Variants in CEP192 observed in about 807,000 individuals in gnomAD.
The protein encoded by CEP192 is centrosomal protein 192, also known as centrosomal protein of 192 kDa.
Under a neutral mutation model 271.8 loss-of-function variants are expected in CEP192, and 151 were observed. That is an observed-to-expected ratio of 0.56 (90% CI 0.49 to 0.64). The LOEUF (loss-of-function observed/expected upper bound fraction) is 0.64. Among genes scored for constraint, CEP192 ranks in the 30% least tolerant of loss-of-function variants. The pLI is 0.00. For missense variants in CEP192, 2,910 were observed against 3,020.5 expected (o/e 0.96, Z 0.86); for synonymous variants, 995 against 1,076.5 (o/e 0.92, Z 1.48).
chr18:13,046,030 A>G (rs975180073), intron 15 of CEP192, among the ~76,000 whole-genome samples: 1 of 152,178 alleles, frequency 6.6e-6, no homozygotes, highest in East Asian at 1.9e-4. Flanking sequence ...ATCAAGAAAT[A>G]CCTGAGACTG....
chr18:13,089,454 A>C lies in CEP192; in HGVS notation c.5994-2A>C. 4.9e-6 allele frequency: 7 copies of C among 1,432,440 alleles called. No homozygotes were observed. Among genetic ancestry groups the C allele is most frequent in the African/African-American group, 1.4e-5 (1 of 69,816 alleles). The allele number at this position is 1,432,440 out of a possible 1,614,324, so 88.7% of individuals were successfully genotyped here. On this transcript the variant is annotated splice_acceptor_variant, in intron 32 of 44. Transcript: ENST00000506447. LOFTEE classifies it high-confidence loss of function. ...ATAATAAAAAAAAATCTCTCCTGGCAGGGCCCTGTTACATAAACCAGAGAT... is the reference window on the plus strand; with the variant it reads ...ATAATAAAAAAAAATCTCTCCTGGCCGGGCCCTGTTACATAAACCAGAGAT...
chr18:13,072,697 A>G, intron 28 of CEP192, 58 bp from the exon 29 acceptor site: 1 of 1,183,228 alleles, frequency 8.5e-7, no homozygotes, highest in Non-Finnish European at 1.3e-6. Flanking sequence ...CTTTATTCTT[A>G]TAATGGTAGC....
At chr18:13,016,768 T>G (rs1183349564) in intron 6 of CEP192, among the ~76,000 whole-genome samples, 1 of 152,122 alleles carries the variant, frequency 6.6e-6, no homozygotes, top group East Asian at 1.9e-4. Context: ...ACTCCTACAG[T>G]GGCCTTTCTC....
intron 3 of CEP192, among the ~76,000 whole-genome samples, chr18:13,005,341 G>A (rs2033916139): frequency 6.6e-6 from 1 of 152,164 alleles, no homozygotes; most frequent in African/African-American, 2.4e-5. Flanking sequence ...TGTTTGTTGG[G>A]GAGTAGAAGG....
rs181735324 is a variant in CEP192 at position 13,021,331 on chromosome 18, T to G, written c.1050+2125T>G. On this transcript the variant is annotated intron_variant, in intron 9 of 44. Coordinates refer to ENST00000506447, the MANE Select transcript of CEP192 (RefSeq NM_032142.4). ...GTCTAACTAACATCATTCTTTTGCATGTGGATATTAAATTTTCTCAGCACC... is the reference window on the plus strand; with the variant it reads ...GTCTAACTAACATCATTCTTTTGCAGGTGGATATTAAATTTTCTCAGCACC... 4.9e-4 allele frequency among the ~76,000 whole-genome samples: 74 copies of G among 152,366 alleles called. No homozygotes were observed. The East Asian group carries it at 0.011, about 23-fold the overall frequency.
chr18:13,107,519 G>T (rs1568429842), intron 40 of CEP192, among the ~76,000 whole-genome samples: 1 of 152,154 alleles, frequency 6.6e-6, no homozygotes, highest in Non-Finnish European at 1.5e-5. Context: ...GTTTTCATTA[G>T]CTCCAAACTA....
At chr18:13,015,485 C>T (rs1471353089) in intron 6 of CEP192, 37 bp downstream of exon 6, 1 of 1,543,550 alleles carries the variant, frequency 6.5e-7, no homozygotes, top group Admixed American at 2.0e-5. Context: ...TGGTCTTCAC[C>T]TTGCCACTCC....
Position 13,100,357 on chromosome 18 carries a change from C to A in CEP192, c.6716C>A (p.Thr2239Asn). Residue 2239 changes from threonine to asparagine, a missense_variant, in exon 38 of 45, where the codon ACT becomes AAT. By Grantham distance (65) the Thr-to-Asn change is moderately conservative. Transcript: ENST00000506447. ...GATTTAACTCAAGTGGAACTTTTAA[C>A]TCGTTTGACCTCCAAACCATTTGGA... ...REDLTQVELL[T>N]RLTSKPFGIL... The A allele has an allele frequency of 2.5e-6, 4 of 1,614,040 alleles. No individual in the cohort carries two copies. Among genetic ancestry groups the A allele is most frequent in the Non-Finnish European group, 3.4e-6 (4 of 1,179,964 alleles).
intron 11 of CEP192, among the ~76,000 whole-genome samples, chr18:13,033,304 C>T (rs538364725): frequency 2.1e-4 from 32 of 152,138 alleles, no homozygotes; most frequent in Middle Eastern, 6.8e-3. Flanking sequence ...GAAATAAAAA[C>T]GATCGTTAAA....
At chr18:13,043,557 A>AT (rs2036320527) in intron 15 of CEP192, among the ~76,000 whole-genome samples, 1 of 152,018 alleles carries the variant, frequency 6.6e-6, no homozygotes, top group African/African-American at 2.4e-5. Context: ...ATCCTCTTGT[A>AT]TTTTTCTTTA....
At chr18:13,050,697 G>A (rs917807094) in intron 17 of CEP192, among the ~76,000 whole-genome samples, 1 of 151,262 alleles carries the variant, frequency 6.6e-6, no homozygotes, top group Non-Finnish European at 1.5e-5. Context: ...CTCCTGCCTC[G>A]GTCTCCCGAG....
At chr18:13,109,992 G>A (rs1206903829) in intron 40 of CEP192, among the ~76,000 whole-genome samples, 2 of 152,110 alleles carry the variant, frequency 1.3e-5, no homozygotes, top group Non-Finnish European at 2.9e-5. Context: ...CCTCGAATAT[G>A]TTTTCCAAAA....
chr18:12,993,606 C>T (rs149352024), intron 1 of CEP192, among the ~76,000 whole-genome samples: 1 of 152,320 alleles, frequency 6.6e-6, no homozygotes, highest in East Asian at 1.9e-4. Context: ...CCGTGGCCTC[C>T]TGAGTAGCTG....
intron 32 of CEP192, chr18:13,088,731 T>C (rs1356091380): frequency 8.4e-6 from 2 of 236,752 alleles, no homozygotes; most frequent in South Asian, 9.9e-5. Flanking sequence ...TTTGGGAAAT[T>C]GTTTTGTTTT....
chr18:13,033,627 G>A (rs1415249008), intron 11 of CEP192, among the ~76,000 whole-genome samples: 2 of 152,180 alleles, frequency 1.3e-5, no homozygotes, highest in African/African-American at 4.8e-5. Flanking sequence ...ATTACTTGCA[G>A]CATTGTCTGT....
At chr18:13,042,857 T>C (rs916324573) in intron 15 of CEP192, among the ~76,000 whole-genome samples, 1 of 152,360 alleles carries the variant, frequency 6.6e-6, no homozygotes, top group East Asian at 1.9e-4. Context: ...TTGATGAAAT[T>C]TGGGATATTT....
intron 11 of CEP192, 113 bp downstream of exon 11, chr18:13,030,721 T>C: frequency 1.3e-6 from 1 of 786,244 alleles, no homozygotes; most frequent in South Asian, 2.2e-5. Flanking sequence ...TATCACTGTA[T>C]TCTGGAAGCA....
At chr18:13,002,868 G>A (rs1029399687) in intron 3 of CEP192, among the ~76,000 whole-genome samples, 1 of 152,050 alleles carries the variant, frequency 6.6e-6, no homozygotes, top group African/African-American at 2.4e-5. Context: ...GTTGTGAATT[G>A]CCTCTTGATA....
chr18:13,087,484 TTAAAAA>T (rs1295909913), intron 31 of CEP192, 41 bp from the exon 32 acceptor site: 1 of 1,078,304 alleles, frequency 9.3e-7, no homozygotes, highest in Non-Finnish European at 1.3e-6. Context: ...TTGAAATTAC[TTAAAAA>T]TATTTAATAT....
Sources: gnomAD v4.1 joint callset for allele counts (sites outside exome capture counted in the v4.1 genomes callset) on GRCh38, gnomAD v4.1.1 for gene constraint, MANE v1.5 for transcripts, NCBI Gene and HGNC (gene_info 2026-07-23, HGNC 2026-07-21) for gene names.